The following IQCM variants were observed in gnomAD, a reference collection of about 807,000 sequenced individuals.
The protein encoded by IQCM is IQ motif containing M.
In IQCM, 45 loss-of-function variants were observed where a neutral mutation model predicts 57.6. The observed-to-expected ratio is 0.78, with a 90% CI of 0.62 to 1.00. IQCM has a LOEUF of 1.00. Ranked by LOEUF, IQCM falls within the 50% of genes least tolerant of loss-of-function variation. The probability of loss-of-function intolerance (pLI) is 0.00; values close to 1 mark genes in which losing one functional copy is unlikely to be tolerated. For missense variants in IQCM, 468 were observed against 511.6 expected, an observed-to-expected ratio of 0.91 and a Z score of 0.82; for synonymous variants, 148 against 158.9, an observed-to-expected ratio of 0.93 and a Z score of 0.51.
intron 2 of IQCM, among the ~76,000 whole-genome samples, chr4:149,765,320 G>A: frequency 6.6e-6 from 1 of 152,076 alleles, no homozygotes; most frequent in East Asian, 1.9e-4. Context: ...AAAAATATGT[G>A]TGAGAATATT....
chr4:149,469,376 G>A (rs1739245489), intron 12 of IQCM, among the ~76,000 whole-genome samples: 1 of 152,164 alleles, frequency 6.6e-6, no homozygotes, highest in African/African-American at 2.4e-5. Context: ...GGGTATCAGT[G>A]ATTGAAGATC....
chr4:149,467,881 G>A (rs909507654), intron 12 of IQCM, among the ~76,000 whole-genome samples: 7 of 152,158 alleles, frequency 4.6e-5, no homozygotes, highest in African/African-American at 1.7e-4. Flanking sequence ...GGAACCCAAA[G>A]GACTAAGGAG....
At chr4:149,579,228 C>G (rs1230036283) in intron 9 of IQCM, among the ~76,000 whole-genome samples, 1 of 151,754 alleles carries the variant, frequency 6.6e-6, no homozygotes, top group Non-Finnish European at 1.5e-5. Context: ...TTTCCTTACT[C>G]TCTGCTACAC....
intron 5 of IQCM, among the ~76,000 whole-genome samples, chr4:149,696,917 T>C (rs1763381904): frequency 6.6e-6 from 1 of 152,162 alleles, no homozygotes; most frequent in African/African-American, 2.4e-5. Context: ...CAAGAAAATA[T>C]ACTCCAAACC....
intron 12 of IQCM, among the ~76,000 whole-genome samples, chr4:149,447,024 G>A (rs1560849846): frequency 6.6e-6 from 1 of 151,440 alleles, no homozygotes; most frequent in Non-Finnish European, 1.5e-5. Flanking sequence ...TCCTTTCCTG[G>A]AGATGATGGC....
chr4:149,693,814 A>G (rs1490336341), intron 5 of IQCM, among the ~76,000 whole-genome samples: 1 of 152,196 alleles, frequency 6.6e-6, no homozygotes, highest in Admixed American at 6.5e-5. Flanking sequence ...GTCTGAAAAT[A>G]GTGTATATTA....
In IQCM at chr4:149,470,693, C is replaced by G. The variant is rs558355209; in HGVS notation, c.1229-37136G>C. 3.8e-3 allele frequency among the ~76,000 whole-genome samples: 579 copies of G among 152,302 alleles called. 5 individuals carry two copies. Among genetic ancestry groups the G allele is most frequent in the African/African-American group, 0.012 (518 of 41,578 alleles). ...ACATTCTTCTCAGCAATACATCACA[C>G]TTATTCCAAAATTGACCACATAGTC... On this transcript the variant is annotated intron_variant, in intron 12 of 13. Transcript: ENST00000636793.
chr4:149,688,636 G>A (rs1222935152), intron 5 of IQCM, among the ~76,000 whole-genome samples: 1 of 151,882 alleles, frequency 6.6e-6, no homozygotes, highest in African/African-American at 2.4e-5. Context: ...AAAAGAGCCT[G>A]CATAACCGAA....
At chr4:149,732,381 T>A (rs911006824) in intron 5 of IQCM, among the ~76,000 whole-genome samples, 2 of 152,174 alleles carry the variant, frequency 1.3e-5, no homozygotes, top group African/African-American at 2.4e-5. Flanking sequence ...AGAGATCTCT[T>A]CTGATAAATT....
chr4:149,525,939 A>C (rs1192365940), intron 12 of IQCM, among the ~76,000 whole-genome samples: 2 of 151,876 alleles, frequency 1.3e-5, no homozygotes, highest in African/African-American at 4.8e-5. Context: ...AATTATAAAT[A>C]GGCAATCCAT....
intron 2 of IQCM, among the ~76,000 whole-genome samples, chr4:149,744,064 TA>T (rs1413320282): frequency 5.9e-5 from 9 of 152,328 alleles, no homozygotes; most frequent in African/African-American, 1.7e-4. Flanking sequence ...AGCTTTGCCC[TA>T]TGAAAGTCAG....
At chr4:149,693,753 C>T (rs1423417912) in intron 5 of IQCM, among the ~76,000 whole-genome samples, 1 of 152,136 alleles carries the variant, frequency 6.6e-6, no homozygotes, top group Non-Finnish European at 1.5e-5. Context: ...AATTTGTTGA[C>T]TCCTATTTTA....
intron 12 of IQCM, among the ~76,000 whole-genome samples, chr4:149,486,577 C>A (rs1741541832): frequency 6.6e-6 from 1 of 152,154 alleles, no homozygotes; most frequent in African/African-American, 2.4e-5. Flanking sequence ...GAAACCATGT[C>A]TCTACTAAAA....
chr4:149,356,487 T>G (rs1462140698), intron 13 of IQCM, among the ~76,000 whole-genome samples: 38 of 151,924 alleles, frequency 2.5e-4, no homozygotes, highest in Non-Finnish European at 1.6e-4. Flanking sequence ...CCCAGCACCA[T>G]TTATTAAATA....
chr4:149,576,787 T>C (rs1047229640), intron 9 of IQCM, among the ~76,000 whole-genome samples: 23 of 151,906 alleles, frequency 1.5e-4, no homozygotes, highest in Non-Finnish European at 2.8e-4. Context: ...CATTGAATGA[T>C]AGTTTAAGTT....
rs192162879 is a variant in IQCM at position 149,695,781 on chromosome 4, A to G, written c.386-9313T>C. On this transcript the variant is annotated intron_variant, in intron 5 of 13. Transcript: ENST00000636793. ...ATTCATACCTGAAGAGGCATCTTCT[A>G]AAACCATAGACAAGATTTTGGGTGG... Among the ~76,000 whole-genome samples the G allele has an allele frequency of 2.0e-5, 3 of 152,240 alleles. No individual in the cohort carries two copies. The East Asian group carries it at 5.8e-4, about 30-fold the overall frequency.
intron 12 of IQCM, among the ~76,000 whole-genome samples, chr4:149,499,136 T>C (rs571526089): frequency 2.0e-4 from 31 of 152,266 alleles, no homozygotes; most frequent in African/African-American, 6.7e-4. Flanking sequence ...AGAAAGCATA[T>C]ATTCAATTTT....
chr4:149,560,564 A>C (rs1750023497), intron 10 of IQCM, among the ~76,000 whole-genome samples: 1 of 152,180 alleles, frequency 6.6e-6, no homozygotes, highest in Non-Finnish European at 1.5e-5. Context: ...ACTTATACCA[A>C]AACACATGCA....
At chr4:149,455,493 C>T (rs1159335595) in intron 12 of IQCM, among the ~76,000 whole-genome samples, 4 of 152,180 alleles carry the variant, frequency 2.6e-5, no homozygotes, top group East Asian at 1.9e-4. Flanking sequence ...CCCATGAAGA[C>T]ATGAGGACAT....
Sources: allele counts gnomAD v4.1 joint callset (sites outside exome capture counted in the v4.1 genomes callset), GRCh38; gene constraint gnomAD v4.1.1; transcripts MANE v1.5; gene names NCBI Gene and HGNC (gene_info 2026-07-23, HGNC 2026-07-21).